The following WWOX variants were observed in gnomAD, a reference collection of about 807,000 sequenced individuals.
The protein encoded by WWOX is WW domain-containing oxidoreductase.
In WWOX, 69 loss-of-function variants were observed where a neutral mutation model predicts 46.2. The observed-to-expected ratio is 1.49, with a 90% CI of 1.23 to 1.82. The LOEUF is 1.82. Among genes scored for constraint, WWOX ranks in the 40% most tolerant of loss-of-function variants. The probability of loss-of-function intolerance (pLI) is 0.00; values close to 1 mark genes in which losing one functional copy is unlikely to be tolerated. For missense variants in WWOX, 919 were observed against 542.6 expected (o/e 1.69, Z -6.89); for synonymous variants, 359 against 202.6 (o/e 1.77, Z -6.56).
At chr16:78,680,318 A>G (rs979890129) in intron 8 of WWOX, among the ~76,000 whole-genome samples, 3 of 151,932 alleles carry the variant, frequency 2.0e-5, no homozygotes, top group African/African-American at 7.3e-5. Flanking sequence ...CTGAGGTGGG[A>G]GGATTGCGTG....
intron 8 of WWOX, among the ~76,000 whole-genome samples, chr16:78,885,924 A>ATTT (rs376409155): frequency 0.34 from 46,151 of 135,306 alleles, 8,727 homozygotes; most frequent in Non-Finnish European, 0.43. Context: ...TGGGGATGGA[A>ATTT]TTTTTTTTTT....
At position 78,905,014 on chromosome 16, in the gene WWOX, G is replaced by C. The variant is rs1482131076; in HGVS notation, c.1057-306594G>C. Reference sequence around the variant, plus strand: ...ATCCTATAGTGTTATTATAACTACAGAAAATATATTTTCATTCCTTCCACT... The same window carrying C: ...ATCCTATAGTGTTATTATAACTACACAAAATATATTTTCATTCCTTCCACT... On this transcript the variant is annotated intron_variant, in intron 8 of 8. Coordinates refer to ENST00000566780, the MANE Select transcript of WWOX (RefSeq NM_016373.4). Among the ~76,000 whole-genome samples the C allele has an allele frequency of 3.3e-5, 5 of 152,098 alleles. No homozygotes were observed. In the East Asian group the frequency reaches 9.6e-4, roughly 29 times the overall value.
chr16:78,457,680 G>T (rs59634655), intron 8 of WWOX, among the ~76,000 whole-genome samples: 34,718 of 151,844 alleles, frequency 0.23, 4,320 homozygotes, highest in South Asian at 0.36. Context: ...TTGGGAGGCC[G>T]AGGCAGGTGG....
intron 5 of WWOX, among the ~76,000 whole-genome samples, chr16:78,185,823 C>T (rs372276521): frequency 2.7e-5 from 4 of 147,536 alleles, no homozygotes; most frequent in East Asian, 4.0e-4. Flanking sequence ...CCCACCATCA[C>T]GCCCAGCTAA....
chr16:79,030,559 C>T lies in WWOX; in HGVS notation c.1057-181049C>T, dbSNP rs1367978530. On this transcript the variant is annotated intron_variant, in intron 8 of 8. Transcript: ENST00000566780. ...GATCCCTAACAGCTTGCTGTACCGA[C>T]TCATATGAGGGCTGTCTTGGTCCGT... 3.9e-5 allele frequency among the ~76,000 whole-genome samples: 6 copies of T among 152,184 alleles called. No individual in the cohort carries two copies. The South Asian group carries it at 1.0e-3, about 26-fold the overall frequency.
chr16:79,081,589 T>C (rs934157374), intron 8 of WWOX, among the ~76,000 whole-genome samples: 2 of 152,212 alleles, frequency 1.3e-5, no homozygotes, highest in African/African-American at 4.8e-5. Flanking sequence ...CAAAAATCTT[T>C]ACTCTCTTTG....
intron 5 of WWOX, among the ~76,000 whole-genome samples, chr16:78,325,502 A>C (rs1270664993): frequency 6.6e-6 from 1 of 152,144 alleles, no homozygotes; most frequent in Non-Finnish European, 1.5e-5. Context: ...TAGAATGACA[A>C]ATGAGGCAAA....
At chr16:79,080,206 A>C (rs2048733839) in intron 8 of WWOX, among the ~76,000 whole-genome samples, 2 of 152,200 alleles carry the variant, frequency 1.3e-5, no homozygotes, top group South Asian at 4.1e-4. Context: ...TCCCACAGTG[A>C]CACAGCCAAG....
At chr16:78,926,821 G>A (rs945699028) in intron 8 of WWOX, among the ~76,000 whole-genome samples, 1 of 152,052 alleles carries the variant, frequency 6.6e-6, no homozygotes, top group East Asian at 1.9e-4. Flanking sequence ...TTTTGAGAAG[G>A]GGTCTCACTC....
At chr16:78,333,033 G>A (rs1313915349) in intron 5 of WWOX, among the ~76,000 whole-genome samples, 2 of 95,592 alleles carry the variant, frequency 2.1e-5, no homozygotes, top group Admixed American at 1.1e-4. Flanking sequence ...TAGCATGGAA[G>A]AGCATTATAC....
At chr16:78,988,518 G>C (rs575870541) in intron 8 of WWOX, among the ~76,000 whole-genome samples, 2 of 152,154 alleles carry the variant, frequency 1.3e-5, no homozygotes, top group South Asian at 2.1e-4. Flanking sequence ...GAGGAATTCA[G>C]CCTACCACTG....
chr16:78,368,424 C>T (rs902624141), intron 5 of WWOX, among the ~76,000 whole-genome samples: 5 of 152,166 alleles, frequency 3.3e-5, no homozygotes, highest in Non-Finnish European at 7.3e-5. Flanking sequence ...AAAGTCACTG[C>T]TGTCCTTTGG....
chr16:78,170,887 T>C (rs1437440472), intron 5 of WWOX, among the ~76,000 whole-genome samples: 1 of 152,136 alleles, frequency 6.6e-6, no homozygotes, highest in African/African-American at 2.4e-5. Flanking sequence ...AATGTGCATG[T>C]TTTAGGGAGA....
chr16:78,548,060 C>T (rs975847730), intron 8 of WWOX, among the ~76,000 whole-genome samples: 1 of 148,064 alleles, frequency 6.8e-6, no homozygotes, highest in Non-Finnish European at 1.5e-5. Flanking sequence ...GAGGCTGAGG[C>T]AGGAGAATCA....
At chr16:78,311,094 C>T (rs1390966608) in intron 5 of WWOX, among the ~76,000 whole-genome samples, 2 of 152,072 alleles carry the variant, frequency 1.3e-5, no homozygotes, top group Non-Finnish European at 2.9e-5. Context: ...AGATGTGGGA[C>T]TTGTGAAAAA....
At chr16:78,458,336 C>G (rs1376877560) in intron 8 of WWOX, among the ~76,000 whole-genome samples, 1 of 149,238 alleles carries the variant, frequency 6.7e-6, no homozygotes, top group Non-Finnish European at 1.5e-5. Flanking sequence ...TCACAGCTCA[C>G]TGCAGTCTTG....
intron 5 of WWOX, among the ~76,000 whole-genome samples, chr16:78,382,398 TG>T (rs1348078412): frequency 1.3e-5 from 2 of 152,212 alleles, no homozygotes; most frequent in East Asian, 3.9e-4. Flanking sequence ...TCCATCCACC[TG>T]GTCCCTGAGT....
chr16:78,919,714 A>G (rs1291977568), intron 8 of WWOX, among the ~76,000 whole-genome samples: 7 of 151,780 alleles, frequency 4.6e-5, no homozygotes, highest in Admixed American at 2.0e-4. Flanking sequence ...GAGGGGTTTT[A>G]CCATATTGGC....
chr16:78,421,303 T>C (rs2082923751), intron 6 of WWOX, among the ~76,000 whole-genome samples: 1 of 152,162 alleles, frequency 6.6e-6, no homozygotes, highest in East Asian at 1.9e-4. Context: ...CATGCCTTTC[T>C]CCTAGCTTCC....
Sources: gnomAD v4.1 joint callset for allele counts (sites outside exome capture counted in the v4.1 genomes callset) on GRCh38, gnomAD v4.1.1 for gene constraint, MANE v1.5 for transcripts, NCBI Gene and HGNC (gene_info 2026-07-23, HGNC 2026-07-21) for gene names.